Variants in SRFBP1 observed in about 807,000 individuals in gnomAD.
SRFBP1 encodes the protein serum response factor-binding protein 1.
Under a neutral mutation model 45.5 loss-of-function variants are expected in SRFBP1, and 47 were observed. The ratio of observed to expected loss-of-function variants is 1.03; its 90% CI spans 0.82 to 1.32. The LOEUF (loss-of-function observed/expected upper bound fraction) is 1.32, where lower values mean the gene tolerates loss of function less well. Ranked by LOEUF, SRFBP1 falls within the 40% of genes most tolerant of loss-of-function variation. The pLI is 0.00. For synonymous variants in SRFBP1, 203 were observed against 166.3 expected, an observed-to-expected ratio of 1.22 and a Z score of -1.70; for missense variants, 621 against 484.6, an observed-to-expected ratio of 1.28 and a Z score of -2.64.
intron 1 of SRFBP1, among the ~76,000 whole-genome samples, chr5:121,969,749 C>G (rs527544064): frequency 2.0e-5 from 3 of 152,026 alleles, no homozygotes; most frequent in Non-Finnish European, 2.9e-5. Context: ...GTTTGGAAGA[C>G]CCTTGGCTTG....
At chr5:122,077,717 G>C, downstream of SRFBP1, 62 of 1,586,422 alleles carry the variant, frequency 3.9e-5, no homozygotes, top group Non-Finnish European at 5.3e-5. The surrounding 1 kb of genome is among the most constrained non-coding windows in gnomAD (Gnocchi z 4.9). Context: ...CAGCAGGATC[G>C]GAGTGCGGGG....
chr5:122,041,266 A>C (rs950008942), intron 2 of SRFBP1, among the ~76,000 whole-genome samples: 2 of 152,144 alleles, frequency 1.3e-5, no homozygotes, highest in African/African-American at 4.8e-5. Flanking sequence ...CCCTAAGGAA[A>C]GTATGGTAGA....
At chr5:122,002,124 A>G (rs2112685513) in intron 4 of SRFBP1, among the ~76,000 whole-genome samples, 1 of 152,352 alleles carries the variant, frequency 6.6e-6, no homozygotes, top group South Asian at 2.1e-4. Context: ...AATTTTTAAT[A>G]TTCGCAACTC....
intron 2 of SRFBP1, among the ~76,000 whole-genome samples, chr5:122,061,007 G>C (rs1754160526): frequency 6.6e-6 from 1 of 152,006 alleles, no homozygotes; most frequent in Non-Finnish European, 1.5e-5. Context: ...CAGTTTAAAA[G>C]GGTTTTTTCT....
chr5:122,049,466 A>T (rs1399233486), intron 2 of SRFBP1, among the ~76,000 whole-genome samples: 2 of 152,154 alleles, frequency 1.3e-5, no homozygotes, highest in African/African-American at 4.8e-5. Flanking sequence ...AGACAGATCA[A>T]CGAGACAGAA....
At chr5:121,965,473 C>T (rs1752042956) in intron 1 of SRFBP1, among the ~76,000 whole-genome samples, 1 of 152,160 alleles carries the variant, frequency 6.6e-6, no homozygotes, top group South Asian at 2.1e-4. Context: ...TTGTTTTTGT[C>T]AGGTTTGTCA....
At chr5:122,000,950 C>T (rs1752853001) in intron 4 of SRFBP1, among the ~76,000 whole-genome samples, 1 of 152,092 alleles carries the variant, frequency 6.6e-6, no homozygotes, top group Admixed American at 6.5e-5. Flanking sequence ...TTATCATTCT[C>T]TCTGCCTTCA....
At chr5:121,981,077 A>G (rs2112825061) in intron 3 of SRFBP1, among the ~76,000 whole-genome samples, 1 of 151,974 alleles carries the variant, frequency 6.6e-6, no homozygotes, top group East Asian at 1.9e-4. Context: ...GTCTGTTTCC[A>G]TTTACTCTCT....
chr5:121,974,055 A>T (rs1482433827), intron 1 of SRFBP1, 141 bp from the exon 2 acceptor site: 1 of 561,660 alleles, frequency 1.8e-6, no homozygotes, highest in Non-Finnish European at 3.2e-6. Flanking sequence ...AAGAGGTTTG[A>T]TTTCATCAAG....
Position 122,024,497 on chromosome 5 carries a change from T to C in SRFBP1, c.1105+2090T>C, listed in dbSNP as rs191906659. Among the ~76,000 whole-genome samples the C allele has an allele frequency of 4.6e-3, 697 of 152,334 alleles. 5 individuals are homozygous for C. The highest frequency in any genetic ancestry group is 0.016 in the African/African-American group (660 of 41,584). On this transcript the variant is annotated intron_variant, in intron 7 of 7. Transcript: ENST00000339397. ...TCTGTCTTGTGCCTCTTGCCTCCTC[T>C]GGATCCTAGGAGTTCTCTTCATTCA...
rs199714078 is a variant in SRFBP1 at position 122,075,445 on chromosome 5, G to C, written n.442G>C. 4 of 1,613,768 alleles carry C rather than the reference G, an allele frequency of 2.5e-6. No homozygotes were observed. Among genetic ancestry groups the C allele is most frequent in the East Asian group, 4.5e-5 (2 of 44,852 alleles). ...ATTCCCAGGAATATCTTGGTCGGCT[G>C]GGTAAGAAATCTGATGTCCCTTGGT... On this transcript the variant is annotated non_coding_transcript_exon_variant, in exon 3 of 3. Transcript: ENST00000504881.
chr5:122,070,563 G>GGT, intron 2 of SRFBP1: 1 of 1,605,302 alleles, frequency 6.2e-7, no homozygotes, highest in Non-Finnish European at 8.5e-7. Flanking sequence ...CTGCACCATA[G>GGT]GTATCATAAC....
At chr5:122,054,585 G>T (rs1308426992) in intron 2 of SRFBP1, among the ~76,000 whole-genome samples, 8 of 152,162 alleles carry the variant, frequency 5.3e-5, no homozygotes, top group Admixed American at 6.5e-5. Context: ...ACAAAATCAG[G>T]TGGTAAGCCT....
At chr5:121,984,886 A>G (rs980789937) in intron 3 of SRFBP1, among the ~76,000 whole-genome samples, 1 of 151,812 alleles carries the variant, frequency 6.6e-6, no homozygotes, top group African/African-American at 2.4e-5. Context: ...AGCTGTCTTT[A>G]TTTCAGTTAG....
At chr5:121,994,783 T>C (rs960131032) in intron 4 of SRFBP1, 113 bp downstream of exon 4, 1 of 648,286 alleles carries the variant, frequency 1.5e-6, no homozygotes, top group African/African-American at 1.9e-5. Context: ...TTGTAATTAG[T>C]TTTCCTAACT....
chr5:121,987,906 G>C (rs1351127595), intron 3 of SRFBP1, among the ~76,000 whole-genome samples: 1 of 152,162 alleles, frequency 6.6e-6, no homozygotes, highest in African/African-American at 2.4e-5. Flanking sequence ...GCACTGCACT[G>C]CTTATACACT....
intron 2 of SRFBP1, among the ~76,000 whole-genome samples, chr5:122,050,427 A>G (rs1211628733): frequency 6.6e-6 from 1 of 152,114 alleles, no homozygotes; most frequent in Non-Finnish European, 1.5e-5. Flanking sequence ...AGAACTTATT[A>G]TTGGTCTATT....
At chr5:122,070,521 A>C (rs1754418813) in intron 2 of SRFBP1, 1 of 1,606,986 alleles carries the variant, frequency 6.2e-7, no homozygotes, top group Non-Finnish European at 8.5e-7. Flanking sequence ...CAGGTTTTAC[A>C]TCTGTAATAT....
chr5:122,006,615 A>G (rs1752980285), intron 4 of SRFBP1, among the ~76,000 whole-genome samples: 1 of 151,830 alleles, frequency 6.6e-6, no homozygotes, highest in South Asian at 2.1e-4. Context: ...CTCTCTTCTG[A>G]CTATATATTT....
Sources: gnomAD v4.1 joint callset for allele counts (sites outside exome capture counted in the v4.1 genomes callset) on GRCh38, gnomAD v4.1.1 for gene constraint, Gnocchi (gnomAD v3.1) non-coding constraint, MANE v1.5 for transcripts, NCBI Gene and HGNC (gene_info 2026-07-23, HGNC 2026-07-21) for gene names.